Variants in PGBD5 observed in about 807,000 individuals in gnomAD.
PGBD5 encodes the protein piggyBac transposable element derived 5, also known as piggyBac transposable element-derived protein 5.
In PGBD5, 14 loss-of-function variants were observed where a neutral mutation model predicts 47.9. The ratio of observed to expected loss-of-function variants is 0.29; its 90% CI spans 0.19 to 0.46. PGBD5 has a LOEUF of 0.46. Among genes scored for constraint, PGBD5 ranks in the 20% least tolerant of loss-of-function variants. The pLI is 1.00. For synonymous variants in PGBD5, 316 were observed against 306.3 expected, an observed-to-expected ratio of 1.03 and a Z score of -0.33; for missense variants, 635 against 716.0, an observed-to-expected ratio of 0.89 and a Z score of 1.29.
rs549778906 is a variant in PGBD5 at position 230,408,094 on chromosome 1, C to A, written c.331+17504G>T. Reference sequence around the variant, plus strand: ...TGCCTTGCCCAGTCCCCAGTCCCAACTGAATCGCTCTTAATTTTCACAAAT... The same window carrying A: ...TGCCTTGCCCAGTCCCCAGTCCCAAATGAATCGCTCTTAATTTTCACAAAT... On this transcript the variant is annotated intron_variant, in intron 1 of 6. Coordinates refer to ENST00000391860, the MANE Select transcript of PGBD5 (RefSeq NM_001258311.2). 2.6e-5 allele frequency among the ~76,000 whole-genome samples: 4 copies of A among 152,260 alleles called. No homozygotes were observed. The East Asian group carries it at 7.7e-4, about 29-fold the overall frequency.
chr1:230,339,169 G>A (rs1439607405), intron 3 of PGBD5, among the ~76,000 whole-genome samples: 5 of 152,180 alleles, frequency 3.3e-5, no homozygotes, highest in Non-Finnish European at 5.9e-5. Flanking sequence ...CTGAGAAATG[G>A]AGTGCTTCCC....
At chr1:230,388,526 C>T (rs1656706938) in intron 1 of PGBD5, among the ~76,000 whole-genome samples, 1 of 151,998 alleles carries the variant, frequency 6.6e-6, no homozygotes, top group Admixed American at 6.6e-5. Flanking sequence ...CGCCATTCTC[C>T]TGCCTCAGCT....
rs1179999278 is a variant in PGBD5 at position 230,316,949 on chromosome 1, G to C, written c.*6476C>G. ...GCAAGTTGCAGGTTGGCAAGTCCTG[G>C]TCAAATGCAGTGTGACTGCAGCCTC... On this transcript the variant is annotated 3_prime_UTR_variant, in exon 7 of 7. Transcript: ENST00000391860. 2 of 152,178 alleles carry C rather than the reference G, an allele frequency of 1.3e-5. No individual in the cohort carries two copies. The highest frequency in any genetic ancestry group is 1.3e-4 in the Admixed American group (2 of 15,272). 9.4% of individuals were successfully genotyped at this position (152,178 alleles called of 1,614,324 possible).
At chr1:230,377,148 C>T (rs1435271471) in intron 1 of PGBD5, among the ~76,000 whole-genome samples, 1 of 152,158 alleles carries the variant, frequency 6.6e-6, no homozygotes, top group Admixed American at 6.5e-5. Flanking sequence ...TGAATGAGCT[C>T]CTAAATGCAT....
At chr1:230,396,832 C>G (rs546106926) in intron 1 of PGBD5, among the ~76,000 whole-genome samples, 1 of 152,274 alleles carries the variant, frequency 6.6e-6, no homozygotes, top group East Asian at 1.9e-4. Context: ...AGGCACCCTC[C>G]CCATGGGATT....
At chr1:230,383,734 A>G (rs547699013) in intron 1 of PGBD5, among the ~76,000 whole-genome samples, 4 of 152,310 alleles carry the variant, frequency 2.6e-5, no homozygotes, top group Non-Finnish European at 4.4e-5. Context: ...AGCAGCAGAG[A>G]CAGCACTGGG....
Position 230,425,764 on chromosome 1 carries a change from G to T in PGBD5, c.165C>A (p.Ser55=), listed in dbSNP as rs564764473. The change falls in exon 1 of 7, where the codon TCC becomes TCA. Residue 55 remains serine, a synonymous_variant. Transcript: ENST00000391860. The surrounding 1 kb of genome is among the most constrained non-coding windows in gnomAD (Gnocchi z 4.7). ...GCTCGTCGTCCGAGGAGGCGGCCGAGGAGGAGCGCGAGGCGGCCGAGGTGC... is the reference window on the plus strand; with the variant it reads ...GCTCGTCGTCCGAGGAGGCGGCCGATGAGGAGCGCGAGGCGGCCGAGGTGC... ...FYSTSAASRS[S]SAASSDDERE... The T allele has an allele frequency of 4.7e-4, 563 of 1,207,546 alleles. 5 individuals are homozygous for T. In the African/African-American group the frequency reaches 8.2e-3, roughly 18 times the overall value. The allele number at this position is 1,207,546 out of a possible 1,614,324, so 74.8% of individuals were successfully genotyped here. A position where few individuals can be genotyped will look rare whatever the true frequency, so the allele number is the denominator to read the frequency against.
rs1482669749 is a variant in PGBD5, at chr1:230,316,229, T to C, written c.*7196A>G. On this transcript the variant is annotated 3_prime_UTR_variant, in exon 7 of 7. Coordinates refer to ENST00000391860, the MANE Select transcript of PGBD5 (RefSeq NM_001258311.2). ...ATATGTACACATGTGTATATGTGTA[T>C]ACGTACATATGTGTATATATGTATT... The C allele has an allele frequency of 1.4e-5, 2 of 146,716 alleles. No individual in the cohort carries two copies. Among genetic ancestry groups the C allele is most frequent in the South Asian group, 2.2e-4 (1 of 4,516 alleles). 9.1% of individuals were successfully genotyped at this position (146,716 alleles called of 1,614,324 possible). A position where few individuals can be genotyped will look rare whatever the true frequency, so the allele number is the denominator to read the frequency against.
At chr1:230,397,339 A>C (rs1227673317) in intron 1 of PGBD5, among the ~76,000 whole-genome samples, 1 of 152,220 alleles carries the variant, frequency 6.6e-6, no homozygotes, top group African/African-American at 2.4e-5. Flanking sequence ...CAAAGTAAAA[A>C]CACCACCATA....
intron 5 of PGBD5, among the ~76,000 whole-genome samples, chr1:230,326,174 T>C (rs771993543): frequency 6.6e-6 from 1 of 152,312 alleles, no homozygotes; most frequent in East Asian, 1.9e-4. Context: ...CCCCAGCACT[T>C]TGGGAGGCCA....
intron 3 of PGBD5, among the ~76,000 whole-genome samples, chr1:230,338,671 A>T (rs7532897): frequency 2.0e-5 from 3 of 152,056 alleles, no homozygotes; most frequent in African/African-American, 7.3e-5. Flanking sequence ...GTGGTGGCAG[A>T]TGCCTGTAAT....
intron 3 of PGBD5, among the ~76,000 whole-genome samples, chr1:230,342,507 C>A (rs1416238452): frequency 6.6e-6 from 1 of 152,152 alleles, no homozygotes; most frequent in Non-Finnish European, 1.5e-5. Context: ...AGAATGAGAT[C>A]ACGGGGTGTG....
chr1:230,320,498 C>T lies in PGBD5; in HGVS notation c.*2927G>A, dbSNP rs1334556190. 1 of 152,234 alleles carries T rather than the reference C, an allele frequency of 6.6e-6. No individual in the cohort carries two copies. The highest frequency in any genetic ancestry group is 1.5e-5 in the Non-Finnish European group (1 of 68,070). 9.4% of individuals were successfully genotyped at this position (152,234 alleles called of 1,614,324 possible). On this transcript the variant is annotated 3_prime_UTR_variant, in exon 7 of 7. Coordinates refer to ENST00000391860, the MANE Select transcript of PGBD5 (RefSeq NM_001258311.2). Reference sequence around the variant, plus strand: ...CAGAGCCTGCAGCAGAGACATCCCTCAGGGGATCGGCTTGGCTTAGTGGCT... The same window carrying T: ...CAGAGCCTGCAGCAGAGACATCCCTTAGGGGATCGGCTTGGCTTAGTGGCT...
At position 230,343,685 on chromosome 1, in the gene PGBD5, C is replaced by T. The variant is rs1230948385; in HGVS notation, c.895-6397G>A. ...AGCTTCTGAATCCACAAGCAAAATT[C>T]ACTCCAGCCAATTAATTCCATAGTG... On this transcript the variant is annotated intron_variant, in intron 3 of 6. Coordinates refer to ENST00000391860, the MANE Select transcript of PGBD5 (RefSeq NM_001258311.2). Among the ~76,000 whole-genome samples the T allele has an allele frequency of 2.6e-5, 4 of 152,332 alleles. No homozygotes were observed. In the East Asian group the frequency reaches 7.7e-4, roughly 29 times the overall value.
intron 3 of PGBD5, among the ~76,000 whole-genome samples, chr1:230,346,257 T>C (rs1344408497): frequency 6.6e-6 from 1 of 152,136 alleles, no homozygotes; most frequent in Non-Finnish European, 1.5e-5. Flanking sequence ...CCCAGGCTGG[T>C]CTTGAATTCC....
intron 1 of PGBD5, among the ~76,000 whole-genome samples, chr1:230,421,645 G>T (rs1657651268): frequency 1.3e-5 from 2 of 152,152 alleles, no homozygotes; most frequent in South Asian, 4.1e-4. Flanking sequence ...CAGACTCCTG[G>T]GAAAAGAGCA....
rs1208670899 is a variant in PGBD5 at position 230,425,952 on chromosome 1, C to T, written c.-24G>A. The T allele has an allele frequency of 6.0e-6, 5 of 829,966 alleles. No individual in the cohort carries two copies. Among genetic ancestry groups the T allele is most frequent in the East Asian group, 5.2e-4 (2 of 3,864 alleles). 51.4% of individuals were successfully genotyped at this position (829,966 alleles called of 1,614,324 possible). A position where few individuals can be genotyped will look rare whatever the true frequency, so the allele number is the denominator to read the frequency against. On this transcript the variant is annotated 5_prime_UTR_variant, in exon 1 of 7. Coordinates refer to ENST00000391860, the MANE Select transcript of PGBD5 (RefSeq NM_001258311.2). This position sits in a 1 kb window ranked among gnomAD's most constrained non-coding sequence, Gnocchi z 4.7. ...ATGGCCCCGGCCGCCGCCCGCGCGC[C>T]CGCCCCCACAGTGCCTCCCAGCCGC...
chr1:230,398,802 T>C (rs1486896143), intron 1 of PGBD5, among the ~76,000 whole-genome samples: 1 of 152,056 alleles, frequency 6.6e-6, no homozygotes, highest in Non-Finnish European at 1.5e-5. Flanking sequence ...CTCTCAGTCC[T>C]CAGCACCACC....
At position 230,317,634 on chromosome 1, in the gene PGBD5, C is replaced by T. The variant is rs1485798080; in HGVS notation, c.*5791G>A. 2 of 152,112 alleles carry T rather than the reference C, an allele frequency of 1.3e-5. No individual in the cohort carries two copies. Among genetic ancestry groups the T allele is most frequent in the South Asian group, 2.1e-4 (1 of 4,814 alleles). The allele number at this position is 152,112 out of a possible 1,614,324, so 9.4% of individuals were successfully genotyped here. A position where few individuals can be genotyped will look rare whatever the true frequency, so the allele number is the denominator to read the frequency against. ...GATTTATCTGGCGGGCTCAGCCTCA[C>T]CCTTCACTCCTCACTGAATTTCCTT... On this transcript the variant is annotated 3_prime_UTR_variant, in exon 7 of 7. Transcript: ENST00000391860.
Sources: allele counts gnomAD v4.1 joint callset (sites outside exome capture counted in the v4.1 genomes callset), GRCh38; gene constraint gnomAD v4.1.1; non-coding constraint Gnocchi (gnomAD v3.1); transcripts MANE v1.5; gene names NCBI Gene and HGNC (gene_info 2026-07-23, HGNC 2026-07-21).